LRP1B: variants seen among roughly 807,000 people sequenced by gnomAD.
The protein encoded by LRP1B is LDL receptor related protein 1B, also known as low-density lipoprotein receptor-related protein 1B.
LRP1B carries 217 observed loss-of-function variants against 556.6 expected under a neutral mutation model. The ratio of observed to expected loss-of-function variants is 0.39; its 90% CI spans 0.35 to 0.44. The LOEUF is 0.44. Among genes scored for constraint, LRP1B ranks in the 20% least tolerant of loss-of-function variants. The pLI, the probability that LRP1B is intolerant of heterozygous loss-of-function variation, is 1.00. For synonymous variants in LRP1B, 2,047 were observed against 1,865.8 expected, an observed-to-expected ratio of 1.10 and a Z score of -2.50; for missense variants, 5,053 against 5,620.8, an observed-to-expected ratio of 0.90 and a Z score of 3.23.
intron 41 of LRP1B, among the ~76,000 whole-genome samples, chr2:140,644,920 A>G (rs1684426363): frequency 2.0e-5 from 3 of 152,136 alleles, no homozygotes; most frequent in Non-Finnish European, 4.4e-5. Flanking sequence ...CTGAGTACAT[A>G]CATTCTTTGC....
At chr2:141,514,980 A>T (rs1302251107) in intron 2 of LRP1B, among the ~76,000 whole-genome samples, 2 of 147,392 alleles carry the variant, frequency 1.4e-5, no homozygotes, top group Non-Finnish European at 3.0e-5. Context: ...TGGGTCAGAC[A>T]CTTAGGCGTT....
chr2:141,333,629 A>T (rs1055364570), intron 3 of LRP1B, among the ~76,000 whole-genome samples: 8 of 152,194 alleles, frequency 5.3e-5, no homozygotes, highest in African/African-American at 1.9e-4. Context: ...GTAGGTGGGT[A>T]TCACCACCTC....
intron 43 of LRP1B, among the ~76,000 whole-genome samples, chr2:140,547,991 G>T (rs949180409): frequency 2.7e-5 from 4 of 149,196 alleles, no homozygotes; most frequent in African/African-American, 7.4e-5. Flanking sequence ...TTACAGGAAT[G>T]ATTACTGCAA....
rs1300478506 is a variant in LRP1B, at chr2:140,883,686, G to A, written c.4169+131C>T. On this transcript the variant is annotated intron_variant, in intron 25 of 90. Transcript: ENST00000389484. ...TACCTACCCCCACCTCCCCGCCCCC[G>A]CCACACACACACATACATGGGCACA... 21 of 192,098 alleles carry A rather than the reference G, an allele frequency of 1.1e-4. No homozygotes were observed. Among genetic ancestry groups the A allele is most frequent in the African/African-American group, 8.1e-4 (14 of 17,244 alleles). 11.9% of individuals were successfully genotyped at this position (192,098 alleles called of 1,614,324 possible).
chr2:141,065,788 C>G (rs1238041283), intron 7 of LRP1B, among the ~76,000 whole-genome samples: 1 of 151,736 alleles, frequency 6.6e-6, no homozygotes, highest in Admixed American at 6.6e-5. Context: ...GTTTTCTGAA[C>G]ACTTAACTCT....
intron 7 of LRP1B, among the ~76,000 whole-genome samples, chr2:141,088,964 G>T (rs781575275): frequency 1.3e-5 from 2 of 151,966 alleles, no homozygotes; most frequent in Non-Finnish European, 2.9e-5. Context: ...CAAACAAAAA[G>T]TCATACATGT....
chr2:140,515,829 T>A (rs963658327), intron 50 of LRP1B, among the ~76,000 whole-genome samples: 1 of 152,090 alleles, frequency 6.6e-6, no homozygotes, highest in African/African-American at 2.4e-5. Flanking sequence ...ACCTTCACAT[T>A]TCATGATGAC....
Position 140,370,771 on chromosome 2 carries a change from T to A in LRP1B, c.10947A>T (p.Arg3649Ser). 1 of 1,612,864 alleles carries A rather than the reference T, an allele frequency of 6.2e-7. No individual in the cohort carries two copies. The highest frequency in any genetic ancestry group is 1.1e-5 in the South Asian group (1 of 91,044). The stretch of plus-strand genomic sequence containing the variant: ...AGTCATGAATTCCATCACACAGCCA[T>A]CTAATTGGAATACAGTGGGCTTTAT... ...CKNKAHCIPI[R>S]WLCDGIHDCV... The change falls in exon 71 of 91, where the codon AGA becomes AGT. Residue 3649 changes from arginine to serine, a missense_variant. Coordinates refer to ENST00000389484, the MANE Select transcript of LRP1B (RefSeq NM_018557.3).
intron 11 of LRP1B, among the ~76,000 whole-genome samples, chr2:141,034,431 A>C (rs1338101627): frequency 1.3e-5 from 2 of 151,996 alleles, no homozygotes; most frequent in Non-Finnish European, 2.9e-5. Flanking sequence ...CAACCTACAA[A>C]ATGGGAGAAA....
chr2:140,642,542 C>CAT (rs1350597948), intron 41 of LRP1B, among the ~76,000 whole-genome samples: 1 of 152,004 alleles, frequency 6.6e-6, no homozygotes. Context: ...GTACACCTCA[C>CAT]ATAGGAAGGG....
intron 1 of LRP1B, among the ~76,000 whole-genome samples, chr2:141,879,352 CTT>C (rs1279034560): frequency 6.6e-6 from 1 of 151,858 alleles, no homozygotes; most frequent in Non-Finnish European, 1.5e-5. Flanking sequence ...AAAACAAAGA[CTT>C]GATATACATA....
chr2:140,930,838 C>A (rs1489933743), intron 20 of LRP1B, among the ~76,000 whole-genome samples: 5 of 152,120 alleles, frequency 3.3e-5, no homozygotes, highest in Admixed American at 2.0e-4. Flanking sequence ...GCACTTAAGG[C>A]AGCCTTTTGC....
intron 1 of LRP1B, among the ~76,000 whole-genome samples, chr2:141,991,156 A>T (rs1702332673): frequency 6.6e-6 from 1 of 152,014 alleles, no homozygotes; most frequent in Non-Finnish European, 1.5e-5. Context: ...GAAATCTTTT[A>T]CTGTGATATT....
At chr2:140,314,389 C>G (rs1315821711) in intron 83 of LRP1B, among the ~76,000 whole-genome samples, 1 of 151,958 alleles carries the variant, frequency 6.6e-6, no homozygotes, top group Admixed American at 6.6e-5. Context: ...ATAGCTATTG[C>G]ATAAATTAAT....
intron 2 of LRP1B, among the ~76,000 whole-genome samples, chr2:141,610,581 T>G (rs1688074626): frequency 6.6e-6 from 1 of 152,110 alleles, no homozygotes; most frequent in Admixed American, 6.6e-5. Context: ...TACCATAAGG[T>G]ACCCCTCATG....
chr2:140,499,011 C>G (rs942409046), intron 55 of LRP1B, among the ~76,000 whole-genome samples: 1 of 151,848 alleles, frequency 6.6e-6, no homozygotes, highest in South Asian at 2.1e-4. Flanking sequence ...TATGCGCACA[C>G]CTTGTGAAGG....
rs1689207190 is a variant in LRP1B at position 140,501,812 on chromosome 2, G to C, written c.8725C>G (p.Leu2909Val). The C allele has an allele frequency of 2.5e-6, 4 of 1,612,264 alleles. No individual in the cohort carries two copies. Among genetic ancestry groups the C allele is most frequent in the Non-Finnish European group, 3.4e-6 (4 of 1,178,980 alleles). Residue 2909 changes from leucine to valine, a missense_variant, in exon 55 of 91, where the codon CTT becomes GTT. Physicochemically the swap from Leu to Val is conservative, Grantham distance 32. This residue lies in a region of LRP1B where 3,619 missense variants were observed against 3,931.9 expected (regional missense o/e 0.92). Transcript: ENST00000389484. ...KNGRCIPSGG[L>V]CDNKDDCGDG... ...CCACAGTCATCCTTATTGTCGCAAA[G>C]ACCTCCACTGGGAATGCACCTGCCA...
chr2:141,498,326 G>A (rs776461466), intron 2 of LRP1B, among the ~76,000 whole-genome samples: 3 of 149,476 alleles, frequency 2.0e-5, no homozygotes, highest in Non-Finnish European at 4.4e-5. Flanking sequence ...CTACTGAGGA[G>A]TAAAAGTCCC....
intron 1 of LRP1B, among the ~76,000 whole-genome samples, chr2:141,878,352 G>T (rs992110229): frequency 4.6e-5 from 7 of 151,400 alleles, no homozygotes; most frequent in Admixed American, 1.3e-4. Context: ...TGATTCTAAG[G>T]TACCGGCAAA....
Sources: gnomAD v4.1 joint callset for allele counts (sites outside exome capture counted in the v4.1 genomes callset) on GRCh38, gnomAD v4.1.1 for gene constraint, gnomAD v4.1.1 regional missense constraint, MANE v1.5 for transcripts, NCBI Gene and HGNC (gene_info 2026-07-23, HGNC 2026-07-21) for gene names.